Variants in CHMP5 observed in about 807,000 individuals in gnomAD.
CHMP5 encodes charged multivesicular body protein 5, also known as SNF7 domain containing 2.
In CHMP5, 17 loss-of-function variants were observed where a neutral mutation model predicts 33.0. The observed-to-expected ratio is 0.52, with a 90% confidence interval of 0.35 to 0.77. The LOEUF is 0.77. Among genes scored for constraint, CHMP5 ranks in the 30% least tolerant of loss-of-function variants. The pLI, the probability that CHMP5 is intolerant of heterozygous loss-of-function variation, is 0.01. For missense variants in CHMP5, 216 were observed against 261.5 expected (o/e 0.83, Z 1.20); for synonymous variants, 76 against 90.2 (o/e 0.84, Z 0.89).
chr9:33,281,834 G>A lies in CHMP5; in HGVS notation c.*975G>A, dbSNP rs889028579. ...TGCAAGGGGCTATTCTTATATGAGG[G>A]ATTGTTAACAATAAAAAAGAAACTG... On this transcript the variant is annotated 3_prime_UTR_variant, in exon 8 of 8. Transcript: ENST00000223500. The A allele has an allele frequency of 6.6e-6, 1 of 152,210 alleles. No individual in the cohort carries two copies. The highest frequency in any genetic ancestry group is 1.5e-5 in the Non-Finnish European group (1 of 68,030). 9.4% of individuals were successfully genotyped at this position (152,210 alleles called of 1,614,324 possible). A position where few individuals can be genotyped will look rare whatever the true frequency, so the allele number is the denominator to read the frequency against.
intron 6 of CHMP5, among the ~76,000 whole-genome samples, chr9:33,277,271 G>A (rs1199179392): frequency 6.6e-6 from 1 of 151,832 alleles, no homozygotes; most frequent in Non-Finnish European, 1.5e-5. Context: ...TCTACTAGGT[G>A]GTGGGAATTT....
Position 33,281,086 on chromosome 9 carries a change from T to C in CHMP5, c.*227T>C, listed in dbSNP as rs1820917646. ...TTTTTCTTATGAAAAACGAACTCAG[T>C]TTAAAAGTATTTTTAGCTCGTATGA... is the stretch of plus-strand genomic sequence containing the variant. On this transcript the variant is annotated 3_prime_UTR_variant, in exon 8 of 8. Coordinates refer to ENST00000223500, the MANE Select transcript of CHMP5 (RefSeq NM_016410.6). 1 of 433,816 alleles carries C rather than the reference T, an allele frequency of 2.3e-6. No individual in the cohort carries two copies. The highest frequency in any genetic ancestry group is 2.0e-5 in the African/African-American group (1 of 48,914). The allele number at this position is 433,816 out of a possible 1,614,324, so 26.9% of individuals were successfully genotyped here. A position where few individuals can be genotyped will look rare whatever the true frequency, so the allele number is the denominator to read the frequency against.
intron 2 of CHMP5, among the ~76,000 whole-genome samples, chr9:33,266,478 T>TAAAA (rs112777343): frequency 0.022 from 3,396 of 152,044 alleles, 145 homozygotes; most frequent in African/African-American, 0.078. Context: ...TCTCAAAAAA[T>TAAAA]AAGTGAAATA....
chr9:33,272,246 C>T (rs989579017), intron 5 of CHMP5, among the ~76,000 whole-genome samples: 1 of 152,028 alleles, frequency 6.6e-6, no homozygotes, highest in African/African-American at 2.4e-5. Flanking sequence ...CCTTTACCCC[C>T]CTGACTAGAA....
intron 7 of CHMP5, among the ~76,000 whole-genome samples, chr9:33,278,472 T>G (rs1221350518): frequency 1.3e-5 from 2 of 152,224 alleles, no homozygotes; most frequent in African/African-American, 4.8e-5. Context: ...ATGATCACCC[T>G]TGTTGTGAGC....
At position 33,271,141 on chromosome 9, in the gene CHMP5, C is replaced by A. The variant is rs1186727771; in HGVS notation, c.316-11C>A. ...TACTAAAACATTGTGTTTTCTTCTT[C>A]CTTTTCTTAGGTTGATGCTATGAAA... On this transcript the variant is annotated splice_polypyrimidine_tract_variant and intron_variant, in intron 4 of 7. Coordinates refer to ENST00000223500, the MANE Select transcript of CHMP5 (RefSeq NM_016410.6). 2 of 1,601,390 alleles carry A rather than the reference C, an allele frequency of 1.2e-6. No individual in the cohort carries two copies. The highest frequency in any genetic ancestry group is 4.5e-5 in the East Asian group (2 of 44,816).
chr9:33,268,987 T>G (rs1237093133), intron 3 of CHMP5, among the ~76,000 whole-genome samples: 2 of 152,256 alleles, frequency 1.3e-5, no homozygotes, highest in Non-Finnish European at 2.9e-5. Flanking sequence ...TTGGAAACTT[T>G]ACACTTTTTA....
At chr9:33,270,791 A>T in intron 4 of CHMP5, 75 bp downstream of exon 4, 1 of 1,280,916 alleles carries the variant, frequency 7.8e-7, no homozygotes, top group Non-Finnish European at 1.1e-6. Context: ...TTTTAAAGAC[A>T]GTTTAACCAG....
chr9:33,269,062 A>G (rs372371480), intron 3 of CHMP5, among the ~76,000 whole-genome samples: 6 of 152,206 alleles, frequency 3.9e-5, no homozygotes, highest in African/African-American at 1.4e-4. Flanking sequence ...CTAGTTGGAT[A>G]GTTAGATTGT....
Position 33,281,508 on chromosome 9 carries a change from A to G in CHMP5, c.*649A>G, listed in dbSNP as rs1820922206. ...ATTTATACTCAATAAATATTTTTCA[A>G]AAGGATATAATTTTAATAATATCAC... On this transcript the variant is annotated 3_prime_UTR_variant, in exon 8 of 8. Transcript: ENST00000223500. The G allele has an allele frequency of 1.3e-5, 2 of 152,658 alleles. No individual in the cohort carries two copies. The highest frequency in any genetic ancestry group is 1.3e-4 in the Admixed American group (2 of 15,288). 9.5% of individuals were successfully genotyped at this position (152,658 alleles called of 1,614,324 possible).
chr9:33,270,496 A>G (rs1820780799), intron 3 of CHMP5, 127 bp from the exon 4 acceptor site: 3 of 689,998 alleles, frequency 4.3e-6, no homozygotes, highest in Non-Finnish European at 7.4e-6. Context: ...TCTGCGTGAT[A>G]CCTAATTTTT....
chr9:33,266,128 C>T lies in CHMP5; in HGVS notation c.174+14C>T. The T allele has an allele frequency of 1.1e-5, 17 of 1,559,236 alleles. No homozygotes were observed. Among genetic ancestry groups the T allele is most frequent in the Non-Finnish European group, 1.5e-5 (17 of 1,131,060 alleles). On this transcript the variant is annotated intron_variant, in intron 2 of 7. Coordinates refer to ENST00000223500, the MANE Select transcript of CHMP5 (RefSeq NM_016410.6). ...GGTCCTGCAAAGGTAAGGTGGGCAG[C>T]AACTGCTGCACAAGGTGCTGGCAGA...
Position 33,276,551 on chromosome 9 carries a change from T to C in CHMP5, c.483T>C (p.Asp161=). 2 of 1,597,080 alleles carry C rather than the reference T, an allele frequency of 1.3e-6. No homozygotes were observed. Among genetic ancestry groups the C allele is most frequent in the Non-Finnish European group, 1.7e-6 (2 of 1,165,470 alleles). ...RSYGTPELDE[D]DLEAELDALG... is the part of the protein sequence containing the mutation. ...ATGGCACCCCAGAACTGGATGAAGATGATTTAGAAGCAGGTAAGTTATGAG... is the reference window on the plus strand; with the variant it reads ...ATGGCACCCCAGAACTGGATGAAGACGATTTAGAAGCAGGTAAGTTATGAG... Residue 161 remains aspartate, a synonymous_variant, in exon 6 of 8, where the codon GAT becomes GAC. Transcript: ENST00000223500.
Position 33,266,038 on chromosome 9 carries a change from A to G in CHMP5, c.98A>G (p.Lys33Arg). The G allele has an allele frequency of 6.2e-7, 1 of 1,613,176 alleles. No homozygotes were observed. Among genetic ancestry groups the G allele is most frequent in the Non-Finnish European group, 8.5e-7 (1 of 1,179,280 alleles). Residue 33 changes from lysine to arginine, a missense_variant, in exon 2 of 8, where the codon AAG (lysine) becomes AGG (arginine). Coordinates refer to ENST00000223500, the MANE Select transcript of CHMP5 (RefSeq NM_016410.6). ...TVDSRAESID[K>R]KISRLDAELV... The stretch of plus-strand genomic sequence containing the variant: ...GACAGTAGAGCAGAATCCATTGACA[A>G]GAAGATTTCTCGATTGGATGCTGAG...
In CHMP5 at chr9:33,270,684, AC is replaced by A. The variant is rs779212413; in HGVS notation, c.285del (p.Ile96SerfsTer4). ...QSFNMEQANY[T>X]IQSLKDTKTT... ...ATTCAACATGGAACAAGCCAATTATACCATCCAGTCTTTGAAGGACACCAAG... is the reference window on the plus strand; with the variant it reads ...ATTCAACATGGAACAAGCCAATTATACATCCAGTCTTTGAAGGACACCAAG... On this transcript the variant is annotated frameshift_variant, in exon 4 of 8. Coordinates refer to ENST00000223500, the MANE Select transcript of CHMP5 (RefSeq NM_016410.6). LOFTEE classifies it high-confidence loss of function. 6.2e-7 allele frequency: 1 copy of A among 1,613,972 alleles called. No individual in the cohort carries two copies. Among genetic ancestry groups the A allele is most frequent in the African/African-American group, 1.3e-5 (1 of 74,914 alleles).
At chr9:33,280,713 A>T in intron 7 of CHMP5, 96 bp from the exon 8 acceptor site, 1 of 1,150,598 alleles carries the variant, frequency 8.7e-7, no homozygotes, top group Non-Finnish European at 1.3e-6. Context: ...TTGATTAAAT[A>T]CTTGGAAATG....
chr9:33,273,828 A>G (rs575316253), intron 5 of CHMP5, among the ~76,000 whole-genome samples: 1 of 151,904 alleles, frequency 6.6e-6, no homozygotes, highest in African/African-American at 2.4e-5. Context: ...TAGGAATCCT[A>G]TTCATAGATG....
At chr9:33,269,746 G>A (rs1820770830) in intron 3 of CHMP5, among the ~76,000 whole-genome samples, 1 of 152,140 alleles carries the variant, frequency 6.6e-6, no homozygotes, top group Non-Finnish European at 1.5e-5. Context: ...AGGCCGAGGT[G>A]GGCGGATCAT....
intron 3 of CHMP5, among the ~76,000 whole-genome samples, 153 bp from the exon 4 acceptor site, chr9:33,270,470 T>G (rs1333454512): frequency 6.6e-6 from 1 of 152,212 alleles, no homozygotes; most frequent in Non-Finnish European, 1.5e-5. Context: ...GTGATTAAAT[T>G]GTTTTTGCCA....
Sources: gnomAD v4.1 joint callset for allele counts (sites outside exome capture counted in the v4.1 genomes callset) on GRCh38, gnomAD v4.1.1 for gene constraint, MANE v1.5 for transcripts, NCBI Gene and HGNC (gene_info 2026-07-23, HGNC 2026-07-21) for gene names.